Variants in CNTNAP3B observed in about 807,000 individuals in gnomAD.
CNTNAP3B encodes contactin associated protein family member 3B.
Under a neutral mutation model 108.9 loss-of-function variants are expected in CNTNAP3B, and 25 were observed. That is an observed-to-expected ratio of 0.23 (90% CI 0.17 to 0.32). The LOEUF is 0.32. Among genes scored for constraint, CNTNAP3B ranks in the 10% least tolerant of loss-of-function variants. The probability of loss-of-function intolerance (pLI) is 1.00; values close to 1 mark genes in which losing one functional copy is unlikely to be tolerated. For synonymous variants in CNTNAP3B, 103 were observed against 473.4 expected (o/e 0.22, Z 10.16); for missense variants, 252 against 1,210.4 (o/e 0.21, Z 11.75).
intron 3 of CNTNAP3B, among the ~76,000 whole-genome samples, chr9:42,076,420 C>A (rs1459801400): frequency 7.8e-6 from 1 of 128,508 alleles, no homozygotes; most frequent in Non-Finnish European, 1.6e-5. Flanking sequence ...CAGCGAAACT[C>A]TGTCTCTAAA....
intron 11 of CNTNAP3B, among the ~76,000 whole-genome samples, chr9:41,963,304 C>T (rs1463991884): frequency 1.5e-3 from 231 of 152,022 alleles, no homozygotes; most frequent in African/African-American, 4.8e-3. Flanking sequence ...CAGGGATGGG[C>T]GAAATATTCC....
chr9:42,047,077 A>G (rs1350169706), intron 3 of CNTNAP3B, among the ~76,000 whole-genome samples: 3 of 83,208 alleles, frequency 3.6e-5, no homozygotes, highest in Non-Finnish European at 7.1e-5. Context: ...ACTGTATTAC[A>G]TTTTAAAATA....
rs1402977071 is a variant in CNTNAP3B, at chr9:41,995,782, T to A, written c.1071+423A>T. 1.5e-5 allele frequency among the ~76,000 whole-genome samples: 2 copies of A among 130,940 alleles called. 1 individual carries two copies. Among genetic ancestry groups the A allele is most frequent in the African/African-American group, 6.2e-5 (2 of 32,070 alleles). 85.9% of individuals were successfully genotyped at this position (130,940 alleles called of 152,430 possible). On this transcript the variant is annotated intron_variant, in intron 7 of 23. Transcript: ENST00000377561. Reference sequence around the variant, plus strand: ...CAGGCCCGGTGGCTCACACCTGTAATCCCAGCACTTTGGAAGGCCGAGGCA... The same window carrying A: ...CAGGCCCGGTGGCTCACACCTGTAAACCCAGCACTTTGGAAGGCCGAGGCA...
At chr9:41,922,497 A>T (rs1270326086) in intron 17 of CNTNAP3B, among the ~76,000 whole-genome samples, 180 bp downstream of exon 17, 1 of 122,162 alleles carries the variant, frequency 8.2e-6, no homozygotes, top group East Asian at 2.3e-4. Flanking sequence ...ACAAACAAAC[A>T]AAAGAAATGT....
intron 9 of CNTNAP3B, among the ~76,000 whole-genome samples, chr9:41,977,858 C>T (rs1314014968): frequency 5.7e-5 from 8 of 141,220 alleles, no homozygotes; most frequent in South Asian, 2.3e-4. Context: ...GTCTCGATCT[C>T]CTGACCTTGT....
intron 2 of CNTNAP3B, among the ~76,000 whole-genome samples, chr9:42,089,011 G>A (rs1233297333): frequency 8.1e-6 from 1 of 123,918 alleles, no homozygotes; most frequent in Non-Finnish European, 1.7e-5. Context: ...GAGGCCAGGA[G>A]TTGGAGACCA....
rs574722249 is a variant in CNTNAP3B at position 41,952,900 on chromosome 9, G to A, written c.2080+283C>T. On this transcript the variant is annotated intron_variant, in intron 13 of 23. Transcript: ENST00000377561. ...CAGCCATTATCTCCTCAGTGTGAAC[G>A]GAAAGCTAAGGCATAAGTTATTAGC... is the stretch of plus-strand genomic sequence containing the variant. Among the ~76,000 whole-genome samples the A allele has an allele frequency of 1.6e-4, 25 of 151,704 alleles. No individual in the cohort carries two copies. The South Asian group carries it at 4.4e-3, about 27-fold the overall frequency.
At chr9:41,934,128 C>CAT (rs1393370310) in intron 14 of CNTNAP3B, among the ~76,000 whole-genome samples, 26 of 19,434 alleles carry the variant, frequency 1.3e-3, no homozygotes, top group Non-Finnish European at 1.4e-3. Context: ...TATATACACA[C>CAT]ACATATATAT....
chr9:41,966,895 A>T (rs1299490002), intron 10 of CNTNAP3B, among the ~76,000 whole-genome samples: 3 of 150,194 alleles, frequency 2.0e-5, no homozygotes, highest in Non-Finnish European at 4.4e-5. Context: ...TGAACCCAGG[A>T]GGCGGAGCTT....
chr9:42,101,923 G>A (rs1828009624), intron 2 of CNTNAP3B, among the ~76,000 whole-genome samples: 1 of 92,704 alleles, frequency 1.1e-5, no homozygotes, highest in Non-Finnish European at 2.2e-5. Context: ...CTGGTGTGGT[G>A]GCGGGCACCT....
At chr9:42,115,708 T>A (rs1215294605) in intron 1 of CNTNAP3B, among the ~76,000 whole-genome samples, 2 of 117,802 alleles carry the variant, frequency 1.7e-5, no homozygotes, top group Non-Finnish European at 3.5e-5. Flanking sequence ...AAACCCCATC[T>A]GTACGTCACC....
chr9:41,945,662 T>C (rs1824511308), intron 13 of CNTNAP3B, among the ~76,000 whole-genome samples: 1 of 152,308 alleles, frequency 6.6e-6, no homozygotes. Context: ...ATATAGCTAA[T>C]GTAAATGATG....
intron 3 of CNTNAP3B, among the ~76,000 whole-genome samples, chr9:42,017,277 C>A: frequency 7.4e-6 from 1 of 135,044 alleles, no homozygotes; most frequent in Non-Finnish European, 1.6e-5. Context: ...TCCTGGTCTG[C>A]AAAATGTTAA....
rs1475341857 is a variant in CNTNAP3B at position 42,097,890 on chromosome 9, G to C, written c.196+6739C>G. On this transcript the variant is annotated intron_variant, in intron 2 of 23. Coordinates refer to ENST00000377561, the MANE Select transcript of CNTNAP3B (RefSeq NM_001201380.3). ...TATTTAATTAGGGAAAGCTTCAAAA[G>C]TTGAAGTCCAATCATGGGACTTTCA... Among the ~76,000 whole-genome samples the C allele has an allele frequency of 1.4e-5, 2 of 138,778 alleles. 1 individual carries two copies. Among genetic ancestry groups the C allele is most frequent in the African/African-American group, 5.7e-5 (2 of 34,852 alleles). The allele number at this position is 138,778 out of a possible 152,430, so 91.0% of individuals were successfully genotyped here. A position where few individuals can be genotyped will look rare whatever the true frequency, so the allele number is the denominator to read the frequency against.
chr9:41,942,507 AG>A (rs1383690848), intron 13 of CNTNAP3B, among the ~76,000 whole-genome samples: 3 of 151,400 alleles, frequency 2.0e-5, no homozygotes, highest in Admixed American at 1.3e-4. Context: ...GCTACTGGGG[AG>A]GCTGAGGCGG....
intron 14 of CNTNAP3B, among the ~76,000 whole-genome samples, chr9:41,934,229 T>C (rs2118031937): frequency 6.8e-6 from 1 of 146,852 alleles, no homozygotes; most frequent in Non-Finnish European, 1.5e-5. Flanking sequence ...TTTTTTTTTT[T>C]TTTTTTTGAG....
At chr9:42,054,769 A>C in intron 3 of CNTNAP3B, among the ~76,000 whole-genome samples, 1 of 151,578 alleles carries the variant, frequency 6.6e-6, no homozygotes. Flanking sequence ...ATCCACTAAT[A>C]AATGTTACAA....
intron 12 of CNTNAP3B, among the ~76,000 whole-genome samples, chr9:41,956,088 AT>A (rs1265011696): frequency 1.3e-5 from 2 of 152,252 alleles, no homozygotes; most frequent in Non-Finnish European, 2.9e-5. Context: ...AAAAAAAAAA[AT>A]AATAATATTG....
intron 14 of CNTNAP3B, among the ~76,000 whole-genome samples, chr9:41,930,550 A>G (rs1434849949): frequency 6.6e-6 from 1 of 151,638 alleles, no homozygotes; most frequent in African/African-American, 2.4e-5. Flanking sequence ...CTCAAAAAAT[A>G]CAAAAAACAA....
Sources: gnomAD v4.1 joint callset for allele counts (sites outside exome capture counted in the v4.1 genomes callset) on GRCh38, gnomAD v4.1.1 for gene constraint, MANE v1.5 for transcripts, NCBI Gene and HGNC (gene_info 2026-07-23, HGNC 2026-07-21) for gene names.